The following PPFIA1 variants were observed in gnomAD, a reference collection of about 807,000 sequenced individuals.
PPFIA1 encodes PPFI scaffold protein A1, also known as liprin-alpha-1.
A neutral mutation model predicts 149.9 loss-of-function variants in PPFIA1; 25 were observed. That is an observed-to-expected ratio of 0.17 (90% CI 0.12 to 0.23). PPFIA1 has a LOEUF of 0.23. Ranked by LOEUF, PPFIA1 falls within the 10% of genes least tolerant of loss-of-function variation. PPFIA1 has a pLI of 1.00. For synonymous variants in PPFIA1, 549 were observed against 552.8 expected, an observed-to-expected ratio of 0.99 and a Z score of 0.10; for missense variants, 1,362 against 1,506.5, an observed-to-expected ratio of 0.90 and a Z score of 1.59.
chr11:70,302,038 T>G (rs1226001179), intron 2 of PPFIA1, among the ~76,000 whole-genome samples: 1 of 152,230 alleles, frequency 6.6e-6, no homozygotes, highest in Non-Finnish European at 1.5e-5. Flanking sequence ...CTAAGTGGAC[T>G]CACGAAAGTG....
intron 2 of PPFIA1, among the ~76,000 whole-genome samples, chr11:70,295,201 C>G (rs1591089595): frequency 6.7e-6 from 1 of 148,904 alleles, no homozygotes; most frequent in Non-Finnish European, 1.5e-5. Flanking sequence ...CCCCACCTCC[C>G]TCCCGGACGG....
intron 2 of PPFIA1, among the ~76,000 whole-genome samples, chr11:70,304,267 C>G (rs73517120): frequency 0.01 from 1,573 of 152,218 alleles, 33 homozygotes; most frequent in African/African-American, 0.036. Flanking sequence ...GCTCTGCACC[C>G]CTTCCCACAT....
At chr11:70,324,553 A>G (rs927810009) in intron 3 of PPFIA1, 50 bp downstream of exon 3, 1 of 1,452,804 alleles carries the variant, frequency 6.9e-7, no homozygotes, top group Non-Finnish European at 9.6e-7. Context: ...CACTGTCAGG[A>G]GGAGGGGCGG....
At chr11:70,329,030 A>T (rs1225825471) in intron 7 of PPFIA1, among the ~76,000 whole-genome samples, 1 of 152,208 alleles carries the variant, frequency 6.6e-6, no homozygotes, top group African/African-American at 2.4e-5. Context: ...ATCCAATTAA[A>T]TTAAACTGGT....
In PPFIA1 at chr11:70,272,245, G is replaced by A. The variant is rs770999735; in HGVS notation, c.73G>A (p.Gly25Ser). The A allele has an allele frequency of 1.1e-5, 17 of 1,613,996 alleles. No individual in the cohort carries two copies. Among genetic ancestry groups the A allele is most frequent in the Admixed American group, 1.7e-5 (1 of 59,984 alleles). Residue 25 changes from glycine to serine, a missense_variant, in exon 2 of 28, where the codon GGC (glycine) becomes AGC (serine). By Grantham distance (56) the Gly-to-Ser change is moderately conservative. Around this residue, in one of 7 missense-constraint regions of PPFIA1, gnomAD observed 100 missense variants for 106.2 expected, o/e 0.94. Transcript: ENST00000253925. ...PPGGGGGHGSGSPSQPDADSH... is the reference protein window; with the variant it reads ...PPGGGGGHGSSSPSQPDADSH... Reference sequence around the variant, plus strand: ...TGGAGGAGGTGGAGGCCATGGTTCCGGCTCCCCTTCACAGCCAGATGCAGA... The same window carrying A: ...TGGAGGAGGTGGAGGCCATGGTTCCAGCTCCCCTTCACAGCCAGATGCAGA...
chr11:70,306,002 A>G (rs1218362196), intron 2 of PPFIA1, among the ~76,000 whole-genome samples: 2 of 152,232 alleles, frequency 1.3e-5, no homozygotes, highest in Non-Finnish European at 2.9e-5. Context: ...TTTGAACAAA[A>G]TAAATGGATT....
intron 2 of PPFIA1, among the ~76,000 whole-genome samples, chr11:70,276,204 T>C (rs2050372207): frequency 6.6e-6 from 1 of 151,738 alleles, no homozygotes; most frequent in South Asian, 2.1e-4. Context: ...ACTCCTGGGC[T>C]AAAGTGATCT....
chr11:70,343,520 C>A, intron 14 of PPFIA1, 149 bp from the exon 15 acceptor site: 4 of 678,848 alleles, frequency 5.9e-6, no homozygotes, highest in Non-Finnish European at 1.0e-5. Flanking sequence ...TAAATACTGC[C>A]TGCTTCATGT....
At chr11:70,365,689 A>C (rs2056888431) in intron 21 of PPFIA1, 2 of 354,202 alleles carry the variant, frequency 5.6e-6, no homozygotes, top group Non-Finnish European at 1.1e-5. Context: ...GAGAGATCTC[A>C]GTTGAGCCTC....
chr11:70,308,327 T>A (rs2053010760), intron 2 of PPFIA1, among the ~76,000 whole-genome samples: 1 of 152,156 alleles, frequency 6.6e-6, no homozygotes, highest in Admixed American at 6.5e-5. Flanking sequence ...GGATTACAGG[T>A]GTGAGCCACC....
chr11:70,373,612 A>G (rs1042771396), intron 23 of PPFIA1: 2 of 152,224 alleles, frequency 1.3e-5, no homozygotes, highest in East Asian at 1.9e-4. Flanking sequence ...GAAGTCACCA[A>G]TAACAATAAT....
Position 70,320,826 on chromosome 11 carries a change from G to T in PPFIA1, c.265-3576G>T, listed in dbSNP as rs888110458. Among the ~76,000 whole-genome samples the T allele has an allele frequency of 3.9e-5, 6 of 152,094 alleles. No individual in the cohort carries two copies. In the South Asian group the frequency reaches 6.2e-4, roughly 16 times the overall value. On this transcript the variant is annotated intron_variant, in intron 2 of 27. Transcript: ENST00000253925. Reference sequence around the variant, plus strand: ...AGATTGGGGCTCTACTGGCAGTTGTGGTCCTAGGGAGGTAGAATGCAAGGC... The same window carrying T: ...AGATTGGGGCTCTACTGGCAGTTGTTGTCCTAGGGAGGTAGAATGCAAGGC...
At chr11:70,350,885 C>T in intron 16 of PPFIA1, 2 of 471,546 alleles carry the variant, frequency 4.2e-6, no homozygotes, top group African/African-American at 2.1e-5. Flanking sequence ...ATCCTGTCTC[C>T]TGTCATTTCT....
At chr11:70,280,904 A>G (rs1196043364) in intron 2 of PPFIA1, among the ~76,000 whole-genome samples, 6 of 151,706 alleles carry the variant, frequency 4.0e-5, no homozygotes. Flanking sequence ...CCCATCTTCC[A>G]CCTCACTCAT....
chr11:70,331,208 C>T (rs2054636210), intron 8 of PPFIA1, among the ~76,000 whole-genome samples: 1 of 150,522 alleles, frequency 6.6e-6, no homozygotes, highest in African/African-American at 2.5e-5. Flanking sequence ...GCACTCCAGC[C>T]TGGGTGACAC....
chr11:70,326,373 T>TA lies in PPFIA1; in HGVS notation c.708+11dup. 1.3e-6 allele frequency: 2 copies of TA among 1,563,852 alleles called. No homozygotes were observed. The highest frequency in any genetic ancestry group is 1.4e-5 in the African/African-American group (1 of 73,360). On this transcript the variant is annotated intron_variant, in intron 6 of 27. Coordinates refer to ENST00000253925, the MANE Select transcript of PPFIA1 (RefSeq NM_003626.5). ...AAGCACGAGTGGAAAGGCAAGTCTGTAGGCTTTGTCTTTATTCTGTTTGAT... is the reference window on the plus strand; with the variant it reads ...AAGCACGAGTGGAAAGGCAAGTCTGTAAGGCTTTGTCTTTATTCTGTTTGAT...
Position 70,333,453 on chromosome 11 carries a change from G to T in PPFIA1, c.1213-17G>T, listed in dbSNP as rs201456984. The T allele has an allele frequency of 1.9e-5, 31 of 1,596,298 alleles. No individual in the cohort carries two copies. The highest frequency in any genetic ancestry group is 3.4e-5 in the Admixed American group (2 of 59,296). ...AAGTGTAAGGATGACGTCAGCGTAC[G>T]CTGTTTCTGCTGACAGGCTGAAGAG... On this transcript the variant is annotated splice_polypyrimidine_tract_variant and intron_variant, in intron 9 of 27. Transcript: ENST00000253925.
In PPFIA1 at chr11:70,275,634, G is replaced by T. The variant is rs941830328; in HGVS notation, c.264+3198G>T. On this transcript the variant is annotated intron_variant, in intron 2 of 27. Transcript: ENST00000253925. ...CTTTCTTTTTTTAAATGGATATCTA[G>T]TTGACCTTGCATAATTTCTTAAAAG... Among the ~76,000 whole-genome samples the T allele has an allele frequency of 3.3e-5, 5 of 152,062 alleles. No homozygotes were observed. The East Asian group carries it at 9.6e-4, about 29-fold the overall frequency.
Position 70,356,192 on chromosome 11 carries a change from G to A in PPFIA1, c.2520G>A (p.Gln840=). The A allele has an allele frequency of 6.2e-7, 1 of 1,614,036 alleles. No individual in the cohort carries two copies. The change falls in exon 19 of 28, where the codon CAG becomes CAA. Residue 840 remains glutamine (Q), a synonymous_variant. Coordinates refer to ENST00000253925, the MANE Select transcript of PPFIA1 (RefSeq NM_003626.5). ...AGVSETDNSS[Q]DALGLSKLGG... The stretch of plus-strand genomic sequence containing the variant: ...TTTCCGAGACGGATAACTCATCTCA[G>A]GATGCCTTGGGACTTAGCAAATTGG...
Sources: gnomAD v4.1 joint callset for allele counts (sites outside exome capture counted in the v4.1 genomes callset) on GRCh38, gnomAD v4.1.1 for gene constraint, gnomAD v4.1.1 regional missense constraint, MANE v1.5 for transcripts, NCBI Gene and HGNC (gene_info 2026-07-23, HGNC 2026-07-21) for gene names.